FSCN2: variants seen among roughly 807,000 people sequenced by gnomAD.
The protein encoded by FSCN2 is fascin-2.
A neutral mutation model predicts 37.8 loss-of-function variants in FSCN2; 46 were observed. The observed-to-expected ratio is 1.22, with a 90% CI of 0.96 to 1.56. The LOEUF (loss-of-function observed/expected upper bound fraction) is 1.56, where lower values mean the gene tolerates loss of function less well. Among genes scored for constraint, FSCN2 ranks in the 40% most tolerant of loss-of-function variants. The pLI is 0.00. For missense variants in FSCN2, 844 were observed against 730.4 expected, an observed-to-expected ratio of 1.16 and a Z score of -1.79; for synonymous variants, 351 against 309.4, an observed-to-expected ratio of 1.13 and a Z score of -1.41.
chr17:81,528,299 G>A (rs1241423116), upstream of FSCN2: 33 of 562,516 alleles, frequency 5.9e-5, no homozygotes, highest in Middle Eastern at 4.7e-4. Context: ...TAAGCCGCAC[G>A]TCTCTGATCC....
the FSCN2 span, among the ~76,000 whole-genome samples, chr17:81,519,266 T>C: frequency 1.3e-5 from 2 of 152,094 alleles, no homozygotes; most frequent in Admixed American, 1.3e-4. Flanking sequence ...CGACCTCTCC[T>C]GACCGCCAGG....
Position 81,536,974 on chromosome 17 carries a change from G to A in FSCN2, c.1373G>A (p.Arg458His), listed in dbSNP as rs1319334843. Residue 458 changes from arginine to histidine, a missense_variant, in exon 5 of 5, where the codon CGC (arginine) becomes CAC (histidine). Arg to His is a conservative substitution (Grantham distance 29). Transcript: ENST00000417245. Reference protein sequence around the residue: ...DFVFEFRERGRLAIRARSGKY... With the variant: ...DFVFEFRERGHLAIRARSGKY... Reference sequence around the variant, plus strand: ...GTCTTCGAGTTCCGTGAGCGCGGCCGCCTGGCCATCCGCGCCCGGAGCGGC... The same window carrying A: ...GTCTTCGAGTTCCGTGAGCGCGGCCACCTGGCCATCCGCGCCCGGAGCGGC... 9.1e-6 allele frequency: 14 copies of A among 1,542,230 alleles called. No homozygotes were observed. In the South Asian group the frequency reaches 1.1e-4, roughly 12 times the overall value.
chr17:81,520,235 C>A, the FSCN2 span, among the ~76,000 whole-genome samples: 46 of 151,736 alleles, frequency 3.0e-4, no homozygotes, highest in Non-Finnish European at 5.3e-4. Flanking sequence ...CGTGGGGACA[C>A]AGGAAGGCCT....
intron 1 of FSCN2, among the ~76,000 whole-genome samples, chr17:81,531,575 G>A (rs530303819): frequency 6.7e-6 from 1 of 148,424 alleles, no homozygotes; most frequent in Non-Finnish European, 1.5e-5. Flanking sequence ...TGATAGTGAT[G>A]GTGATGATGG....
At chr17:81,526,499 CAA>C (rs1568072210), upstream of FSCN2, among the ~76,000 whole-genome samples, 10 of 152,194 alleles carry the variant, frequency 6.6e-5, no homozygotes, top group East Asian at 1.5e-3. Context: ...GGCACGGTAG[CAA>C]GTGCCTGTAA....
At chr17:81,518,767 G>C in the FSCN2 span, among the ~76,000 whole-genome samples, 2 of 152,220 alleles carry the variant, frequency 1.3e-5, no homozygotes, top group African/African-American at 2.4e-5. Context: ...GCTCTGCAGA[G>C]CGACTAGGTC....
chr17:81,523,805 G>C (rs1321394941), upstream of FSCN2: 1 of 152,404 alleles, frequency 6.6e-6, no homozygotes, highest in African/African-American at 2.4e-5. Flanking sequence ...CCATTTCCCA[G>C]TTTTCAGGGC....
the FSCN2 span, among the ~76,000 whole-genome samples, chr17:81,518,319 C>G: frequency 2.1e-5 from 3 of 144,378 alleles, no homozygotes; most frequent in Non-Finnish European, 4.7e-5. Context: ...TGGGGCACAG[C>G]ATCCTTGTCC....
At chr17:81,530,348 C>CCCAGTTCCCAGGTCA (rs1258849705) in intron 1 of FSCN2, among the ~76,000 whole-genome samples, 1 of 152,216 alleles carries the variant, frequency 6.6e-6, no homozygotes, top group Non-Finnish European at 1.5e-5. Flanking sequence ...CCTGGCTCTC[C>CCCAGTTCCCAGGTCA]CCAGTTCCCA....
At chr17:81,522,981 C>T in the FSCN2 span, among the ~76,000 whole-genome samples, 1 of 152,222 alleles carries the variant, frequency 6.6e-6, no homozygotes, top group Non-Finnish European at 1.5e-5. Flanking sequence ...CGCTTCTGCC[C>T]TCGGGGTCCC....
rs782121466 is a variant in FSCN2 at position 81,529,147 on chromosome 17, C to T, written c.616C>T (p.Pro206Ser). 1 of 1,584,864 alleles carries T rather than the reference C, an allele frequency of 6.3e-7. No homozygotes were observed. The highest frequency in any genetic ancestry group is 1.2e-5 in the South Asian group (1 of 86,774). Residue 206 changes from proline (P) to serine (S), a missense_variant, in exon 1 of 5, where the codon CCC (proline) becomes TCC (serine). Coordinates refer to ENST00000417245, the MANE Select transcript of FSCN2 (RefSeq NM_012418.4). ...SDGRLVWEPE[P>S]RACYTLEFKA... Reference sequence around the variant, plus strand: ...CGGCCGTCTGGTCTGGGAGCCTGAGCCCCGTGCCTGCTACACGCTGGAGTT... The same window carrying T: ...CGGCCGTCTGGTCTGGGAGCCTGAGTCCCGTGCCTGCTACACGCTGGAGTT...
At chr17:81,524,919 A>ACACACACACCCC (rs10677990), upstream of FSCN2, among the ~76,000 whole-genome samples, 5 of 142,468 alleles carry the variant, frequency 3.5e-5, no homozygotes, top group Non-Finnish European at 6.1e-5. Flanking sequence ...ACACACACAC[A>ACACACACACCCC]CCACACTCAC....
At chr17:81,519,850 ACGAGGAC>A in the FSCN2 span, among the ~76,000 whole-genome samples, 1 of 152,172 alleles carries the variant, frequency 6.6e-6, no homozygotes, top group Non-Finnish European at 1.5e-5. Context: ...GGACCCCAAC[ACGAGGAC>A]CCTGGCCCTG....
At chr17:81,515,356 G>C in the FSCN2 span, among the ~76,000 whole-genome samples, 7 of 152,322 alleles carry the variant, frequency 4.6e-5, no homozygotes, top group East Asian at 3.9e-4. Flanking sequence ...GCTGGGGGTA[G>C]CTGGGCGGCC....
chr17:81,522,331 T>C, the FSCN2 span, among the ~76,000 whole-genome samples: 3,294 of 152,344 alleles, frequency 0.022, 113 homozygotes, highest in African/African-American at 0.075. Context: ...TCTTGTTCTC[T>C]GCACCATTTC....
the FSCN2 span, among the ~76,000 whole-genome samples, chr17:81,522,726 G>A: frequency 3.3e-5 from 5 of 152,204 alleles, no homozygotes; most frequent in Non-Finnish European, 5.9e-5. Flanking sequence ...CTGTGGGCTC[G>A]TTCACGCCAG....
At chr17:81,533,018 T>A (rs1287005098) in intron 1 of FSCN2, among the ~76,000 whole-genome samples, 2 of 152,122 alleles carry the variant, frequency 1.3e-5, no homozygotes, top group Non-Finnish European at 2.9e-5. Context: ...CGGCCAGGGC[T>A]GTAGGGAGCG....
chr17:81,525,106 CA>C, upstream of FSCN2, among the ~76,000 whole-genome samples: 1 of 152,026 alleles, frequency 6.6e-6, no homozygotes, highest in Non-Finnish European at 1.5e-5. Context: ...GGTGACAGAG[CA>C]AAACCCTGTC....
At chr17:81,532,770 A>G (rs183447565) in intron 1 of FSCN2, among the ~76,000 whole-genome samples, 19 of 72,888 alleles carry the variant, frequency 2.6e-4, no homozygotes, top group South Asian at 1.7e-3. Context: ...GATGGTGGTG[A>G]TGGAGGGGTG....
Sources: allele counts gnomAD v4.1 joint callset (sites outside exome capture counted in the v4.1 genomes callset), GRCh38; gene constraint gnomAD v4.1.1; transcripts MANE v1.5; gene names NCBI Gene and HGNC (gene_info 2026-07-23, HGNC 2026-07-21).